RERE: variants seen among roughly 807,000 people sequenced by gnomAD.
The protein encoded by RERE is arginine-glutamic acid dipeptide repeats protein.
Under a neutral mutation model 146.1 loss-of-function variants are expected in RERE, and 40 were observed. That is an observed-to-expected ratio of 0.27 (90% CI 0.21 to 0.36). RERE has a LOEUF of 0.36. RERE is among the 10% of genes least tolerant of loss of function. The pLI is 1.00. For synonymous variants in RERE, 1,003 were observed against 866.0 expected, an observed-to-expected ratio of 1.16 and a Z score of -2.78; for missense variants, 1,933 against 2,138.7, an observed-to-expected ratio of 0.90 and a Z score of 1.90.
chr1:8,383,298 T>C lies in RERE; in HGVS notation c.1285-17324A>G, dbSNP rs184323668. 1.1e-4 allele frequency among the ~76,000 whole-genome samples: 17 copies of C among 151,378 alleles called. No individual in the cohort carries two copies. In the East Asian group the frequency reaches 3.3e-3, roughly 29 times the overall value. On this transcript the variant is annotated intron_variant, in intron 12 of 22. Transcript: ENST00000400908. ...CCTGTCTCCACCCAGGTCCAGCTTCTCTCTTACACAATCGGCAACAGAATG... is the reference window on the plus strand; with the variant it reads ...CCTGTCTCCACCCAGGTCCAGCTTCCCTCTTACACAATCGGCAACAGAATG...
intron 12 of RERE, among the ~76,000 whole-genome samples, chr1:8,400,742 G>A (rs1024180801): frequency 7.6e-5 from 11 of 144,142 alleles, no homozygotes; most frequent in African/African-American, 2.8e-4. Context: ...AGTAGCTCAC[G>A]CCTAAAGTCC....
chr1:8,761,072 G>A (rs1462630539), intron 1 of RERE, among the ~76,000 whole-genome samples: 1 of 152,142 alleles, frequency 6.6e-6, no homozygotes, highest in African/African-American at 2.4e-5. Context: ...CAATCCTTCT[G>A]TTCTCAAGCT....
chr1:8,562,303 T>C (rs907042855), intron 4 of RERE, among the ~76,000 whole-genome samples: 4 of 152,164 alleles, frequency 2.6e-5, no homozygotes, highest in African/African-American at 9.7e-5. Context: ...ATAAGCCTCA[T>C]TTTTTACTAC....
At chr1:8,604,400 C>T (rs755329073) in intron 4 of RERE, among the ~76,000 whole-genome samples, 31 of 151,540 alleles carry the variant, frequency 2.0e-4, no homozygotes, top group Non-Finnish European at 4.0e-4. Flanking sequence ...CAGGCTGAGA[C>T]GTGTTAAGAG....
At chr1:8,401,037 C>CATATATATATATATATA (rs1557611624) in intron 12 of RERE, among the ~76,000 whole-genome samples, 8 of 5,616 alleles carry the variant, frequency 1.4e-3, no homozygotes, top group African/African-American at 2.9e-3. Context: ...AAAAAAAAAA[C>CATATATATATATATATA]CATATATATA....
In RERE at chr1:8,778,141, C is replaced by T. The variant is rs567658312; in HGVS notation, c.-145+39019G>A. ...ACAGCAAGAACTGACTCACCTCAAGCCATTACATAAAATTTATCTATTAGA... is the reference window on the plus strand; with the variant it reads ...ACAGCAAGAACTGACTCACCTCAAGTCATTACATAAAATTTATCTATTAGA... On this transcript the variant is annotated intron_variant, in intron 1 of 22. Transcript: ENST00000400908. Among the ~76,000 whole-genome samples, 462 of 152,276 alleles carry T rather than the reference C, an allele frequency of 3.0e-3. 1 individual carries two copies. The highest frequency in any genetic ancestry group is 0.011 in the African/African-American group (438 of 41,554).
chr1:8,761,003 C>T (rs915647835), intron 1 of RERE, among the ~76,000 whole-genome samples: 2 of 152,136 alleles, frequency 1.3e-5, no homozygotes, highest in South Asian at 2.1e-4. Flanking sequence ...GGCACAAAGA[C>T]GTTCCATAAC....
At chr1:8,470,104 C>T (rs1394508464) in intron 10 of RERE, among the ~76,000 whole-genome samples, 2 of 152,138 alleles carry the variant, frequency 1.3e-5, no homozygotes, top group East Asian at 1.9e-4. Context: ...TGTTGTCTGG[C>T]TGGCCTCTTA....
chr1:8,774,293 T>C (rs966188553), intron 1 of RERE, among the ~76,000 whole-genome samples: 2 of 152,052 alleles, frequency 1.3e-5, no homozygotes, highest in African/African-American at 4.8e-5. Context: ...CTTTCTCTGG[T>C]TTATACTCAC....
intron 9 of RERE, among the ~76,000 whole-genome samples, chr1:8,497,058 G>A (rs1312159760): frequency 6.6e-6 from 1 of 152,084 alleles, no homozygotes; most frequent in Non-Finnish European, 1.5e-5. Context: ...CCACCCCTCT[G>A]TAGTGGGGTT....
At chr1:8,519,543 TA>T in intron 7 of RERE, among the ~76,000 whole-genome samples, 1 of 152,324 alleles carries the variant, frequency 6.6e-6, no homozygotes, top group African/African-American at 2.4e-5. Flanking sequence ...ATGAAGTTGA[TA>T]ATGTTATTAT....
chr1:8,614,634 G>C lies in RERE; in HGVS notation c.449C>G (p.Pro150Arg). ...CRSPTPALCD[P>R]PACSLPVASQ... is the part of the protein sequence containing the mutation. ...TGCCACCGGCAGAGAGCATGCTGGG[G>C]GGTCACACAAAGCAGGAGTTGGAGA... The change falls in exon 4 of 23, where the codon CCC becomes CGC. Residue 150 changes from proline to arginine, a missense_variant. Transcript: ENST00000400908. 1 of 1,613,070 alleles carries C rather than the reference G, an allele frequency of 6.2e-7. No homozygotes were observed. The highest frequency in any genetic ancestry group is 8.5e-7 in the Non-Finnish European group (1 of 1,179,484).
chr1:8,633,430 C>T (rs946870708), intron 2 of RERE, among the ~76,000 whole-genome samples: 7 of 151,806 alleles, frequency 4.6e-5, no homozygotes, highest in East Asian at 3.9e-4. Flanking sequence ...CTCTTAAACA[C>T]GCACGTGCGC....
intron 1 of RERE, among the ~76,000 whole-genome samples, chr1:8,743,076 T>A (rs1002899216): frequency 6.6e-6 from 1 of 151,942 alleles, no homozygotes; most frequent in African/African-American, 2.4e-5. Flanking sequence ...ATTACACACT[T>A]GTTTAAAAAA....
chr1:8,554,771 G>C (rs113460271), intron 6 of RERE, among the ~76,000 whole-genome samples: 39 of 148,402 alleles, frequency 2.6e-4, no homozygotes, highest in African/African-American at 8.5e-4. Context: ...CCGGTCCCAG[G>C]TAACAATATT....
intron 12 of RERE, among the ~76,000 whole-genome samples, chr1:8,386,017 TATA>T (rs1175180535): frequency 2.2e-3 from 91 of 41,018 alleles, no homozygotes; most frequent in Non-Finnish European, 2.8e-3. Context: ...TATATATATA[TATA>T]TATTTTTTTT....
At chr1:8,670,696 G>A (rs1209506684) in intron 1 of RERE, among the ~76,000 whole-genome samples, 1 of 152,190 alleles carries the variant, frequency 6.6e-6, no homozygotes, top group Non-Finnish European at 1.5e-5. Context: ...TCTGACTCAG[G>A]CAGAAGCATG....
intron 7 of RERE, among the ~76,000 whole-genome samples, chr1:8,540,776 A>C (rs1014060380): frequency 6.6e-6 from 1 of 152,220 alleles, no homozygotes; most frequent in Non-Finnish European, 1.5e-5. Context: ...GTGTTCCTGG[A>C]GTTTTATTAC....
intron 1 of RERE, among the ~76,000 whole-genome samples, chr1:8,719,142 T>C (rs1214655878): frequency 1.3e-5 from 2 of 152,268 alleles, no homozygotes; most frequent in East Asian, 1.9e-4. Flanking sequence ...TTATGTGAAC[T>C]GGGAAGGAGT....
Sources: gnomAD v4.1 joint callset for allele counts (sites outside exome capture counted in the v4.1 genomes callset) on GRCh38, gnomAD v4.1.1 for gene constraint, MANE v1.5 for transcripts, NCBI Gene and HGNC (gene_info 2026-07-23, HGNC 2026-07-21) for gene names.